Variants in LRMDA observed in about 807,000 individuals in gnomAD.
LRMDA encodes leucine rich melanocyte differentiation associated.
In LRMDA, 18 loss-of-function variants were observed where a neutral mutation model predicts 29.8. That is an observed-to-expected ratio of 0.60 (90% CI 0.42 to 0.90). The LOEUF (loss-of-function observed/expected upper bound fraction) is 0.90. Ranked by LOEUF, LRMDA falls within the 40% of genes least tolerant of loss-of-function variation. The probability of loss-of-function intolerance (pLI) is 0.00; values close to 1 mark genes in which losing one functional copy is unlikely to be tolerated. For synonymous variants in LRMDA, 125 were observed against 109.4 expected (o/e 1.14, Z -0.89); for missense variants, 273 against 273.9 (o/e 1.00, Z 0.02).
intron 2 of LRMDA, among the ~76,000 whole-genome samples, chr10:75,865,076 C>T (rs1318693698): frequency 6.6e-6 from 1 of 152,084 alleles, no homozygotes; most frequent in Non-Finnish European, 1.5e-5. Context: ...TGTCAGTTTT[C>T]CCTCCAAATC....
At chr10:76,165,496 G>A (rs1850723323) in intron 5 of LRMDA, among the ~76,000 whole-genome samples, 3 of 151,930 alleles carry the variant, frequency 2.0e-5, no homozygotes, top group Admixed American at 2.0e-4. Flanking sequence ...GGCCTCAAAT[G>A]CCTGACTTCA....
At chr10:75,788,135 A>C (rs552301282) in intron 2 of LRMDA, among the ~76,000 whole-genome samples, 4 of 152,372 alleles carry the variant, frequency 2.6e-5, no homozygotes, top group African/African-American at 9.6e-5. Context: ...CAGGAGGCGG[A>C]GGTTGCAGTG....
intron 6 of LRMDA, among the ~76,000 whole-genome samples, chr10:76,463,043 C>T (rs1842529058): frequency 6.6e-6 from 1 of 152,098 alleles, no homozygotes; most frequent in Non-Finnish European, 1.5e-5. Flanking sequence ...GTTACTAGTC[C>T]ATGGGGTCCC....
chr10:76,089,406 C>T (rs1340880572), intron 5 of LRMDA, among the ~76,000 whole-genome samples: 2 of 152,210 alleles, frequency 1.3e-5, no homozygotes, highest in Non-Finnish European at 2.9e-5. Context: ...AAAATGAAGA[C>T]ATTTTATAAT....
rs552656682 is a variant in LRMDA at position 75,683,681 on chromosome 10, G to A, written c.131+245187G>A. ...CTTACCTGAAAGCTGGCCAAGGCAA[G>A]CCTTATGTCTTTCTGGAGTTTATTA... On this transcript the variant is annotated intron_variant, in intron 2 of 6. Transcript: ENST00000611255. 1.7e-4 allele frequency among the ~76,000 whole-genome samples: 26 copies of A among 152,356 alleles called. No homozygotes were observed. The South Asian group carries it at 5.2e-3, about 30-fold the overall frequency.
At chr10:76,198,927 T>C (rs1414689264) in intron 5 of LRMDA, among the ~76,000 whole-genome samples, 1 of 152,264 alleles carries the variant, frequency 6.6e-6, no homozygotes, top group Non-Finnish European at 1.5e-5. Flanking sequence ...TTTGAATTAA[T>C]GCAATCAAAT....
intron 5 of LRMDA, among the ~76,000 whole-genome samples, chr10:76,071,230 T>C (rs2132068968): frequency 6.6e-6 from 1 of 152,294 alleles, no homozygotes; most frequent in South Asian, 2.1e-4. Flanking sequence ...ATTTGGGAGC[T>C]TGTTACACAT....
At chr10:75,869,687 TG>T (rs1845077344) in intron 2 of LRMDA, among the ~76,000 whole-genome samples, 1 of 152,324 alleles carries the variant, frequency 6.6e-6, no homozygotes, top group East Asian at 1.9e-4. Context: ...GCTCACTTAA[TG>T]AAGTGTGAAC....
intron 5 of LRMDA, among the ~76,000 whole-genome samples, chr10:76,219,986 T>C (rs1035981418): frequency 6.6e-6 from 1 of 152,126 alleles, no homozygotes; most frequent in South Asian, 2.1e-4. Flanking sequence ...CTCAACTACA[T>C]GGAAACTGAA....
chr10:75,466,879 A>T (rs1844657508), intron 2 of LRMDA, among the ~76,000 whole-genome samples: 1 of 152,154 alleles, frequency 6.6e-6, no homozygotes, highest in African/African-American at 2.4e-5. Flanking sequence ...TCTTTCTGAA[A>T]AGGAAAGAAA....
chr10:75,670,330 C>A (rs1841875823), intron 2 of LRMDA, among the ~76,000 whole-genome samples: 1 of 152,204 alleles, frequency 6.6e-6, no homozygotes, highest in Non-Finnish European at 1.5e-5. Flanking sequence ...TGCAGAACGG[C>A]ACAAAGGGAA....
At chr10:76,319,931 C>T (rs1840749655) in intron 5 of LRMDA, among the ~76,000 whole-genome samples, 1 of 152,178 alleles carries the variant, frequency 6.6e-6, no homozygotes. Context: ...AACTTTGTAG[C>T]TGCCCCCTTC....
At chr10:75,928,845 G>C (rs1846162882) in intron 2 of LRMDA, among the ~76,000 whole-genome samples, 1 of 152,082 alleles carries the variant, frequency 6.6e-6, no homozygotes, top group African/African-American at 2.4e-5. Flanking sequence ...CAGGATCTCA[G>C]GGTAATCTGG....
At chr10:76,221,213 A>G (rs1851827956) in intron 5 of LRMDA, among the ~76,000 whole-genome samples, 1 of 152,144 alleles carries the variant, frequency 6.6e-6, no homozygotes, top group Admixed American at 6.5e-5. Context: ...AACTGGCACA[A>G]GACAGGGATG....
Position 76,047,247 on chromosome 10 carries a change from C to T in LRMDA, c.342C>T (p.Ala114=). 12 of 1,614,038 alleles carry T rather than the reference C, an allele frequency of 7.4e-6. No homozygotes were observed. The highest frequency in any genetic ancestry group is 3.3e-5 in the South Asian group (3 of 91,056). ...ACCTCAGTCTGCTGGGCAACGTGGC[C>T]TGTCCCAACGAGCTGGTCAGCTTGG... ...LEYLSLLGNV[A]CPNELVSLEK... is the part of the protein sequence containing the mutation. Residue 114 remains alanine (A), a synonymous_variant, in exon 4 of 7, where the codon GCC becomes GCT. Coordinates refer to ENST00000611255, the MANE Select transcript of LRMDA (RefSeq NM_001305581.2).
At chr10:75,483,107 G>A (rs1844871576) in intron 2 of LRMDA, among the ~76,000 whole-genome samples, 1 of 152,042 alleles carries the variant, frequency 6.6e-6, no homozygotes, top group Non-Finnish European at 1.5e-5. Flanking sequence ...ACCACACCTG[G>A]CTAATTTTTT....
At chr10:76,215,405 C>G (rs1192245615) in intron 5 of LRMDA, among the ~76,000 whole-genome samples, 1 of 152,096 alleles carries the variant, frequency 6.6e-6, no homozygotes, top group East Asian at 1.9e-4. Context: ...TATGATGGCT[C>G]TCTTTCTGAG....
At chr10:76,538,531 C>G (rs1306002446) in intron 6 of LRMDA, among the ~76,000 whole-genome samples, 3 of 142,238 alleles carry the variant, frequency 2.1e-5, no homozygotes, top group Non-Finnish European at 4.6e-5. Context: ...TATTTATATA[C>G]AGTTATATAT....
At chr10:76,415,532 G>A (rs1842005445) in intron 6 of LRMDA, among the ~76,000 whole-genome samples, 1 of 152,154 alleles carries the variant, frequency 6.6e-6, no homozygotes, top group Non-Finnish European at 1.5e-5. Context: ...ATAAAAAGTA[G>A]GAGTTGGACT....
Sources: allele counts gnomAD v4.1 joint callset (sites outside exome capture counted in the v4.1 genomes callset), GRCh38; gene constraint gnomAD v4.1.1; transcripts MANE v1.5; gene names NCBI Gene and HGNC (gene_info 2026-07-23, HGNC 2026-07-21).